The following TMEM255B variants were observed in gnomAD, a reference collection of about 807,000 sequenced individuals.
TMEM255B encodes the protein transmembrane protein 255B, also known as family with sequence similarity 70, member B.
In TMEM255B, 35 loss-of-function variants were observed where a neutral mutation model predicts 34.5. The ratio of observed to expected loss-of-function variants is 1.01; its 90% CI spans 0.77 to 1.34. The LOEUF is 1.34. Among genes scored for constraint, TMEM255B ranks in the 40% most tolerant of loss-of-function variants. The pLI, the probability that TMEM255B is intolerant of heterozygous loss-of-function variation, is 0.00. For synonymous variants in TMEM255B, 206 were observed against 201.2 expected, an observed-to-expected ratio of 1.02 and a Z score of -0.20; for missense variants, 432 against 433.2, an observed-to-expected ratio of 1.00 and a Z score of 0.02.
chr13:113,795,328 T>G, intron 4 of TMEM255B, 91 bp downstream of exon 4: 1 of 1,337,484 alleles, frequency 7.5e-7, no homozygotes, highest in East Asian at 2.5e-5. Context: ...AGATCTCAGC[T>G]CAGACGGCTT....
chr13:113,815,496 C>A lies in TMEM255B; in HGVS notation c.*3593C>A, dbSNP rs900628310. The A allele has an allele frequency of 2.0e-5, 3 of 152,276 alleles. No homozygotes were observed. Among genetic ancestry groups the A allele is most frequent in the African/African-American group, 7.2e-5 (3 of 41,440 alleles). 9.4% of individuals were successfully genotyped at this position (152,276 alleles called of 1,614,324 possible). A position where few individuals can be genotyped will look rare whatever the true frequency, so the allele number is the denominator to read the frequency against. On this transcript the variant is annotated 3_prime_UTR_variant, in exon 9 of 9. Coordinates refer to ENST00000375353, the MANE Select transcript of TMEM255B (RefSeq NM_182614.4). ...ATTCCTGCGCGTTGTGGGAGGGACC[C>A]AGCGGGAGGTAATTGAATCATGGTG... is the stretch of plus-strand genomic sequence containing the variant.
In TMEM255B at chr13:113,812,266, G is replaced by A; in HGVS notation, c.*363G>A. On this transcript the variant is annotated 3_prime_UTR_variant, in exon 9 of 9. Coordinates refer to ENST00000375353, the MANE Select transcript of TMEM255B (RefSeq NM_182614.4). Reference sequence around the variant, plus strand: ...GCAGCCCCGGCCTCCCTGCCTGTGTGTTCTTGTTTGTGGACATGTGTTGTG... The same window carrying A: ...GCAGCCCCGGCCTCCCTGCCTGTGTATTCTTGTTTGTGGACATGTGTTGTG... 1 of 277,842 alleles carries A rather than the reference G, an allele frequency of 3.6e-6. No homozygotes were observed. The allele number at this position is 277,842 out of a possible 1,614,324, so 17.2% of individuals were successfully genotyped here.
At chr13:113,804,274 C>T (rs895063312) in intron 7 of TMEM255B, among the ~76,000 whole-genome samples, 1 of 152,154 alleles carries the variant, frequency 6.6e-6, no homozygotes, top group Non-Finnish European at 1.5e-5. Flanking sequence ...GACGGGAGCT[C>T]AGGAGACTTT....
rs773591555 is a variant in TMEM255B, at chr13:113,801,689, C to T, written c.546C>T (p.Gly182=). 5.5e-5 allele frequency: 89 copies of T among 1,612,244 alleles called. No homozygotes were observed. Among genetic ancestry groups the T allele is most frequent in the African/African-American group, 1.3e-4 (10 of 74,926 alleles). ...EPSPAYYEFI[G]VSGCQDVLHL... is the part of the protein sequence containing the mutation. Reference sequence around the variant, plus strand: ...CGCCCGCCTACTATGAGTTCATCGGCGTCAGCGGCTGCCAGGACGTGCTGC... The same window carrying T: ...CGCCCGCCTACTATGAGTTCATCGGTGTCAGCGGCTGCCAGGACGTGCTGC... The change falls in exon 7 of 9, where the codon GGC becomes GGT. Residue 182 remains glycine, a synonymous_variant. Transcript: ENST00000375353.
chr13:113,774,595 CA>C (rs1207314068), intron 3 of TMEM255B, among the ~76,000 whole-genome samples: 13 of 145,824 alleles, frequency 8.9e-5, no homozygotes, highest in Non-Finnish European at 1.8e-4. Flanking sequence ...ACACAACACA[CA>C]AATGACACAC....
intron 3 of TMEM255B, among the ~76,000 whole-genome samples, chr13:113,788,770 G>A (rs998178453): frequency 5.9e-5 from 9 of 151,976 alleles, no homozygotes; most frequent in African/African-American, 1.7e-4. Flanking sequence ...CCTCACCATC[G>A]CCGTCACCTC....
intron 3 of TMEM255B, among the ~76,000 whole-genome samples, chr13:113,793,303 C>T (rs1396033802): frequency 2.0e-5 from 3 of 152,236 alleles, no homozygotes; most frequent in Admixed American, 1.3e-4. Flanking sequence ...TACCTCTTCT[C>T]GTAAACCTAA....
At chr13:113,804,741 G>T (rs1256909114) in intron 7 of TMEM255B, 144 bp from the exon 8 acceptor site, 4 of 553,120 alleles carry the variant, frequency 7.2e-6, no homozygotes, top group Non-Finnish European at 8.6e-6. Context: ...GTTAGCTCCA[G>T]CCTGGGTATA....
At chr13:113,783,859 G>A (rs527937186) in intron 3 of TMEM255B, among the ~76,000 whole-genome samples, 13 of 152,246 alleles carry the variant, frequency 8.5e-5, no homozygotes, top group African/African-American at 3.1e-4. Flanking sequence ...TCGGAGGAAG[G>A]GATTTCGGAG....
At position 113,807,865 on chromosome 13, in the gene TMEM255B, G is replaced by A. The variant is rs544073493; in HGVS notation, c.813+2837G>A. ...CCCGTCACACGCGGGCTTACGGGAC[G>A]TGGGGGGCACAGGGGCAGATCCACT... On this transcript the variant is annotated intron_variant, in intron 8 of 8. Coordinates refer to ENST00000375353, the MANE Select transcript of TMEM255B (RefSeq NM_182614.4). 3.5e-3 allele frequency among the ~76,000 whole-genome samples: 514 copies of A among 147,842 alleles called. 14 individuals carry two copies. The highest frequency in any genetic ancestry group is 6.0e-3 in the Non-Finnish European group (401 of 66,282).
At chr13:113,771,640 T>C (rs1317924708) in intron 3 of TMEM255B, among the ~76,000 whole-genome samples, 9 of 152,058 alleles carry the variant, frequency 5.9e-5, no homozygotes, top group Non-Finnish European at 4.4e-5. Context: ...GATTGAGCCA[T>C]TGCACTCCAG....
intron 1 of TMEM255B, chr13:113,761,192 TC>T: frequency 1.0e-6 from 1 of 985,378 alleles, no homozygotes; most frequent in Non-Finnish European, 1.2e-6. Context: ...TTTTGGGCGT[TC>T]CAGGTCCGGC....
chr13:113,808,092 G>C lies in TMEM255B; in HGVS notation c.813+3064G>C, dbSNP rs578244077. Among the ~76,000 whole-genome samples the C allele has an allele frequency of 4.6e-5, 7 of 152,320 alleles. No individual in the cohort carries two copies. The East Asian group carries it at 1.3e-3, about 29-fold the overall frequency. On this transcript the variant is annotated intron_variant, in intron 8 of 8. Transcript: ENST00000375353. ...ATGGCAAATCAGATGAGGCTCATGT[G>C]CTCCTCAGAAGAACAATGGAGGAGG...
intron 8 of TMEM255B, among the ~76,000 whole-genome samples, chr13:113,805,751 C>T (rs2138581544): frequency 6.6e-6 from 1 of 152,328 alleles, no homozygotes; most frequent in Middle Eastern, 3.4e-3. Flanking sequence ...ACAACCCAAA[C>T]TCTCCGGACG....
chr13:113,800,921 C>T lies in TMEM255B; in HGVS notation c.509+9C>T, dbSNP rs780980553. On this transcript the variant is annotated intron_variant, in intron 6 of 8. Transcript: ENST00000375353. The stretch of plus-strand genomic sequence containing the variant: ...CTCTATGCCTGCGGGAGGTGAGGGG[C>T]ACCGGGGACCCCCATATCTACACCT... 2.5e-6 allele frequency: 3 copies of T among 1,202,654 alleles called. No individual in the cohort carries two copies. Among genetic ancestry groups the T allele is most frequent in the South Asian group, 1.3e-5 (1 of 76,690 alleles). 74.5% of individuals were successfully genotyped at this position (1,202,654 alleles called of 1,614,324 possible).
At chr13:113,774,691 GAC>G (rs374008919) in intron 3 of TMEM255B, among the ~76,000 whole-genome samples, 29 of 104,686 alleles carry the variant, frequency 2.8e-4, no homozygotes, top group Admixed American at 4.1e-4. Context: ...CACCACACAT[GAC>G]ACACACACCA....
intron 1 of TMEM255B, 146 bp downstream of exon 1, chr13:113,759,461 T>C: frequency 1.4e-6 from 1 of 734,330 alleles, no homozygotes; most frequent in East Asian, 3.5e-5. Flanking sequence ...CTTCGAGCTC[T>C]GTCTTTGGAA....
chr13:113,781,021 A>G (rs559474638), intron 3 of TMEM255B, among the ~76,000 whole-genome samples: 1 of 152,244 alleles, frequency 6.6e-6, no homozygotes, highest in Non-Finnish European at 1.5e-5. Context: ...ATATTTGGCA[A>G]TGCTTCCTGT....
chr13:113,797,902 C>G (rs1239389757), intron 4 of TMEM255B, among the ~76,000 whole-genome samples: 1 of 152,214 alleles, frequency 6.6e-6, no homozygotes, highest in Non-Finnish European at 1.5e-5. Context: ...AAGCACTTTG[C>G]AATGGTCAGT....
Sources: gnomAD v4.1 joint callset for allele counts (sites outside exome capture counted in the v4.1 genomes callset) on GRCh38, gnomAD v4.1.1 for gene constraint, MANE v1.5 for transcripts, NCBI Gene and HGNC (gene_info 2026-07-23, HGNC 2026-07-21) for gene names.